Variants in INPPL1 observed in about 807,000 individuals in gnomAD.
INPPL1 encodes phosphatidylinositol 3,4,5-trisphosphate 5-phosphatase 2.
Under a neutral mutation model 139.3 loss-of-function variants are expected in INPPL1, and 91 were observed. The observed-to-expected ratio is 0.65, with a 90% confidence interval of 0.55 to 0.78. INPPL1 has a LOEUF of 0.78. Among genes scored for constraint, INPPL1 ranks in the 30% least tolerant of loss-of-function variants. The pLI, the probability that INPPL1 is intolerant of heterozygous loss-of-function variation, is 0.00. For synonymous variants in INPPL1, 719 were observed against 686.6 expected, an observed-to-expected ratio of 1.05 and a Z score of -0.74; for missense variants, 1,411 against 1,665.6, an observed-to-expected ratio of 0.85 and a Z score of 2.66.
At chr11:72,229,350 T>G in intron 5 of INPPL1, 115 bp from the exon 6 acceptor site, 3 of 1,415,534 alleles carry the variant, frequency 2.1e-6, no homozygotes, top group Non-Finnish European at 3.0e-6. Flanking sequence ...CATTGCCTCT[T>G]GACTTTCCTC....
intron 18 of INPPL1, 48 bp downstream of exon 18, chr11:72,233,570 T>A: frequency 6.2e-7 from 1 of 1,607,480 alleles, no homozygotes; most frequent in Non-Finnish European, 8.5e-7. Context: ...GTGGTCACCA[T>A]CTGGACTCTG....
rs1351715345 is a variant in INPPL1, at chr11:72,235,970, G to A, written c.2863G>A (p.Glu955Lys). The A allele has an allele frequency of 1.3e-6, 2 of 1,598,294 alleles. No homozygotes were observed. Among genetic ancestry groups the A allele is most frequent in the South Asian group, 1.1e-5 (1 of 89,422 alleles). Residue 955 changes from glutamate to lysine, a missense_variant, in exon 25 of 28, where the codon GAG becomes AAG. Around this residue, in one of 5 missense-constraint regions of INPPL1, gnomAD observed 438 missense variants for 425.7 expected, o/e 1.03. Coordinates refer to ENST00000298229, the MANE Select transcript of INPPL1 (RefSeq NM_001567.4). The surrounding 1 kb of genome is among the most constrained non-coding windows in gnomAD (Gnocchi z 4.9). ...PAPPRAAPRE[E>K]PLTPRLKPEG... ...CCCACCCCGAGCAGCTCCCCGGGAG[G>A]AGCCCTTGACCCCCAGGTGAGAGGA...
At chr11:72,227,121 A>G (rs1443457442) in intron 1 of INPPL1, among the ~76,000 whole-genome samples, 1 of 152,202 alleles carries the variant, frequency 6.6e-6, no homozygotes, top group Non-Finnish European at 1.5e-5. Flanking sequence ...GATAACATGC[A>G]AGACACGCCC....
At position 72,230,385 on chromosome 11, in the gene INPPL1, C is replaced by A. The variant is rs754156985; in HGVS notation, c.1114C>A (p.Arg372Ser). The A allele has an allele frequency of 6.2e-7, 1 of 1,614,118 alleles. No individual in the cohort carries two copies. Among genetic ancestry groups the A allele is most frequent in the South Asian group, 1.1e-5 (1 of 91,076 alleles). The change falls in exon 10 of 28, where the codon CGT becomes AGT. Residue 372 changes from arginine (R) to serine (S), a missense_variant. Arg to Ser is a moderately radical substitution (Grantham distance 110). This residue lies in a region of INPPL1 where 504 missense variants were observed against 595.6 expected (regional missense o/e 0.85). Coordinates refer to ENST00000298229, the MANE Select transcript of INPPL1 (RefSeq NM_001567.4). ...DRIRQLIKSQ[R>S]VQNKLGVVFE... The stretch of plus-strand genomic sequence containing the variant: ...AGTCCGCCAGCTCATTAAGTCCCAG[C>A]GTGTCCAGAACAAGCTGGGTGTTGT...
intron 10 of INPPL1, 70 bp from the exon 11 acceptor site, chr11:72,230,726 G>T (rs1948808484): frequency 2.3e-6 from 3 of 1,310,328 alleles, no homozygotes; most frequent in Non-Finnish European, 2.2e-6. Flanking sequence ...GAGCCAACTG[G>T]CAGGGTATCC....
In INPPL1 at chr11:72,229,169, G is replaced by A; in HGVS notation, c.598G>A (p.Gly200Arg). ...GCTGGACCTGGAAGCTGTGAGGGGTGGAGCCAGCCACCTGCCCCACCTCAC... is the reference window on the plus strand; with the variant it reads ...GCTGGACCTGGAAGCTGTGAGGGGTAGAGCCAGCCACCTGCCCCACCTCAC... ...YGLDLEAVRG[G>R]ASHLPHLTRT... The change falls in exon 5 of 28, where the codon GGA becomes AGA. Residue 200 changes from glycine (G) to arginine (R), a missense_variant. Physicochemically the swap from Gly to Arg is moderately radical, Grantham distance 125. Around this residue, in one of 5 missense-constraint regions of INPPL1, gnomAD observed 504 missense variants for 595.6 expected, o/e 0.85. Transcript: ENST00000298229. 2 of 1,613,792 alleles carry A rather than the reference G, an allele frequency of 1.2e-6. No homozygotes were observed. The highest frequency in any genetic ancestry group is 1.7e-6 in the Non-Finnish European group (2 of 1,179,910).
At position 72,225,013 on chromosome 11, in the gene INPPL1, C is replaced by T. The variant is rs891547600; in HGVS notation, c.29C>T (p.Pro10Leu). 15 of 1,212,668 alleles carry T rather than the reference C, an allele frequency of 1.2e-5. No individual in the cohort carries two copies. The highest frequency in any genetic ancestry group is 4.7e-5 in the African/African-American group (3 of 63,410). 75.1% of individuals were successfully genotyped at this position (1,212,668 alleles called of 1,614,324 possible). A position where few individuals can be genotyped will look rare whatever the true frequency, so the allele number is the denominator to read the frequency against. MASACGAPG[P>L]GGALGSQAPS... ...GCCTCGGCCTGCGGGGCGCCGGGCCCGGGGGGCGCCCTGGGCAGCCAGGCC... is the reference window on the plus strand; with the variant it reads ...GCCTCGGCCTGCGGGGCGCCGGGCCTGGGGGGCGCCCTGGGCAGCCAGGCC... The change falls in exon 1 of 28, where the codon CCG (proline) becomes CTG (leucine). Residue 10 changes from proline to leucine, a missense_variant. Pro to Leu is a moderately conservative substitution (Grantham distance 98, BLOSUM62 -3). Transcript: ENST00000298229.
chr11:72,224,310 G>A (rs547365036), upstream of INPPL1, among the ~76,000 whole-genome samples: 1 of 151,506 alleles, frequency 6.6e-6, no homozygotes, highest in Non-Finnish European at 1.5e-5. Flanking sequence ...TGGGGGCCCC[G>A]CCCGCTTGGG....
chr11:72,224,535 T>A (rs1948610624), upstream of INPPL1, among the ~76,000 whole-genome samples: 1 of 145,362 alleles, frequency 6.9e-6, no homozygotes, highest in Non-Finnish European at 1.5e-5. Context: ...ATGGGGGGAC[T>A]CGGATTTCGA....
rs780351983 is a variant in INPPL1, at chr11:72,229,576, C to G, written c.753+18C>G. On this transcript the variant is annotated intron_variant, in intron 6 of 27. Coordinates refer to ENST00000298229, the MANE Select transcript of INPPL1 (RefSeq NM_001567.4). Reference sequence around the variant, plus strand: ...AGCAGCAGGTAGATTGTAGGGAGACCTCTGGGAGGTGCGTTCGTGTTCTGG... The same window carrying G: ...AGCAGCAGGTAGATTGTAGGGAGACGTCTGGGAGGTGCGTTCGTGTTCTGG... The G allele has an allele frequency of 6.2e-7, 1 of 1,613,476 alleles. No homozygotes were observed. The highest frequency in any genetic ancestry group is 1.7e-4 in the Middle Eastern group (1 of 6,060).
Position 72,238,465 on chromosome 11 carries a change from TTTATTGGGGTGCC to T in INPPL1, c.*114_*126del, listed in dbSNP as rs1949065952. The T allele has an allele frequency of 2.5e-6, 2 of 793,540 alleles. No individual in the cohort carries two copies. Among genetic ancestry groups the T allele is most frequent in the Non-Finnish European group, 3.8e-6 (2 of 532,760 alleles). 49.2% of individuals were successfully genotyped at this position (793,540 alleles called of 1,614,324 possible). The stretch of plus-strand genomic sequence containing the variant: ...GGTCAGGGCAGTATCTCTCTGCCTA[TTTATTGGGGTGCC>T]TATTTATTGGGGATCTGCATTCCCC... On this transcript the variant is annotated 3_prime_UTR_variant, in exon 28 of 28. Coordinates refer to ENST00000298229, the MANE Select transcript of INPPL1 (RefSeq NM_001567.4).
At position 72,228,562 on chromosome 11, in the gene INPPL1, T is replaced by C; in HGVS notation, c.397+64T>C. ...CCTTGGCTCTACCTGCCTCTTCCCA[T>C]CCCCCCTTCTCAACCCCACCTCTCC... On this transcript the variant is annotated intron_variant, in intron 3 of 27. Transcript: ENST00000298229. This position sits in a 1 kb window ranked among gnomAD's most constrained non-coding sequence, Gnocchi z 5.0. The C allele has an allele frequency of 6.4e-7, 1 of 1,572,084 alleles. No individual in the cohort carries two copies. The highest frequency in any genetic ancestry group is 8.6e-7 in the Non-Finnish European group (1 of 1,159,218).
chr11:72,231,347 C>T (rs1948829158), intron 12 of INPPL1, 151 bp from the exon 13 acceptor site: 10 of 928,182 alleles, frequency 1.1e-5, no homozygotes, highest in African/African-American at 1.6e-5. Flanking sequence ...TCCTTCATGC[C>T]ACGAGAGGAA....
chr11:72,235,712 G>T lies in INPPL1; in HGVS notation c.2697G>T (p.Lys899Asn). Reference sequence around the variant, plus strand: ...TTGATAAGGATGAGGCAGGAGCAAAGAGCAAAGCCCCCTCTGTGTCCCGAG... The same window carrying T: ...TTGATAAGGATGAGGCAGGAGCAAATAGCAAAGCCCCCTCTGTGTCCCGAG... ...ISIDKDEAGA[K>N]SKAPSVSRGS... is the part of the protein sequence containing the mutation. The change falls in exon 24 of 28, where the codon AAG becomes AAT. Residue 899 changes from lysine (K) to asparagine (N), a missense_variant. Transcript: ENST00000298229. The surrounding 1 kb of genome is among the most constrained non-coding windows in gnomAD (Gnocchi z 4.9). The T allele has an allele frequency of 6.2e-7, 1 of 1,614,146 alleles. No homozygotes were observed. Among genetic ancestry groups the T allele is most frequent in the Non-Finnish European group, 8.5e-7 (1 of 1,180,006 alleles).
chr11:72,235,546 G>C lies in INPPL1; in HGVS notation c.2659+95G>C. 6.4e-7 allele frequency: 1 copy of C among 1,560,610 alleles called. No homozygotes were observed. On this transcript the variant is annotated intron_variant, in intron 23 of 27. Transcript: ENST00000298229. This position sits in a 1 kb window ranked among gnomAD's most constrained non-coding sequence, Gnocchi z 4.9. ...TGTTGGAATCTCTGGGATACCTGGA[G>C]GTTCTGCAGCCACAGCTGGGAATAG...
intron 18 of INPPL1, 56 bp downstream of exon 18, chr11:72,233,578 C>T: frequency 1.2e-6 from 2 of 1,605,302 alleles, no homozygotes; most frequent in Non-Finnish European, 8.5e-7. Context: ...CATCTGGACT[C>T]TGCCCTAACC....
rs982859860 is a variant in INPPL1 at position 72,237,263 on chromosome 11, G to T, written c.3019G>T (p.Ala1007Ser). Residue 1007 changes from alanine to serine, a missense_variant, in exon 26 of 28, where the codon GCC (alanine) becomes TCC (serine). By Grantham distance (99) the Ala-to-Ser change is moderately conservative. This residue lies in a region of INPPL1 where 438 missense variants were observed against 425.7 expected (regional missense o/e 1.03). Coordinates refer to ENST00000298229, the MANE Select transcript of INPPL1 (RefSeq NM_001567.4). Reference sequence around the variant, plus strand: ...CCCGGAGCCACCCTCGCCTGCCAGGGCCCCTGTCCCATCTGCCACCAAGAA... The same window carrying T: ...CCCGGAGCCACCCTCGCCTGCCAGGTCCCCTGTCCCATCTGCCACCAAGAA... ...LPPEPPSPAR[A>S]PVPSATKNKV... 6 of 1,613,818 alleles carry T rather than the reference G, an allele frequency of 3.7e-6. No homozygotes were observed. Among genetic ancestry groups the T allele is most frequent in the Non-Finnish European group, 5.1e-6 (6 of 1,180,014 alleles).
rs762928929 is a variant in INPPL1, at chr11:72,235,390, C to T, written c.2598C>T (p.Ile866=). Residue 866 remains isoleucine, a synonymous_variant, in exon 23 of 28, where the codon ATC becomes ATT. Coordinates refer to ENST00000298229, the MANE Select transcript of INPPL1 (RefSeq NM_001567.4). The surrounding 1 kb of genome is among the most constrained non-coding windows in gnomAD (Gnocchi z 4.9). ...LSHRGEETGN[I]RGSMKVRVPT... Reference sequence around the variant, plus strand: ...ACCGTGGCGAGGAGACAGGCAATATCAGAGGCTCCATGAAGGTGCGGGTGC... The same window carrying T: ...ACCGTGGCGAGGAGACAGGCAATATTAGAGGCTCCATGAAGGTGCGGGTGC... 2.5e-6 allele frequency: 4 copies of T among 1,614,090 alleles called. No homozygotes were observed. Among genetic ancestry groups the T allele is most frequent in the Non-Finnish European group, 3.4e-6 (4 of 1,180,032 alleles).
rs775406401 is a variant in INPPL1 at position 72,233,383 on chromosome 11, C to T, written c.2041-58C>T. 1.7e-4 allele frequency: 249 copies of T among 1,463,280 alleles called. 1 individual carries two copies. The highest frequency in any genetic ancestry group is 3.9e-4 in the Admixed American group (23 of 59,706). 90.6% of individuals were successfully genotyped at this position (1,463,280 alleles called of 1,614,324 possible). On this transcript the variant is annotated intron_variant, in intron 17 of 27. Coordinates refer to ENST00000298229, the MANE Select transcript of INPPL1 (RefSeq NM_001567.4). ...GGACTCATCAGCTCTGGAGTGGGGT[C>T]CATGCCAAGCAGCCTCCTAGCTGTC...
Sources: gnomAD v4.1 joint callset for allele counts (sites outside exome capture counted in the v4.1 genomes callset) on GRCh38, gnomAD v4.1.1 for gene constraint, gnomAD v4.1.1 regional missense constraint, Gnocchi (gnomAD v3.1) non-coding constraint, MANE v1.5 for transcripts, NCBI Gene and HGNC (gene_info 2026-07-23, HGNC 2026-07-21) for gene names.